The following CPEB3 variants were observed in gnomAD, a reference collection of about 807,000 sequenced individuals.
The protein encoded by CPEB3 is cytoplasmic polyadenylation element-binding protein 3.
In CPEB3, 20 loss-of-function variants were observed where a neutral mutation model predicts 67.2. The ratio of observed to expected loss-of-function variants is 0.30; its 90% CI spans 0.21 to 0.43. The LOEUF is 0.43. CPEB3 is among the 20% of genes least tolerant of loss of function. CPEB3 has a pLI of 1.00. For missense variants in CPEB3, 746 were observed against 968.6 expected (o/e 0.77, Z 3.05); for synonymous variants, 376 against 393.1 (o/e 0.96, Z 0.51).
chr10:92,182,981 T>C (rs1233578828), intron 3 of CPEB3, among the ~76,000 whole-genome samples: 1 of 152,184 alleles, frequency 6.6e-6, no homozygotes, highest in Non-Finnish European at 1.5e-5. Flanking sequence ...GATAAAACTG[T>C]TCTAACTTTA....
intron 9 of CPEB3, among the ~76,000 whole-genome samples, chr10:92,079,772 C>T (rs1328096494): frequency 1.3e-5 from 2 of 152,142 alleles, no homozygotes; most frequent in African/African-American, 4.8e-5. Context: ...TCAAAGTTGA[C>T]TGTAGAGGAT....
chr10:92,084,209 A>C (rs909305979), intron 8 of CPEB3, among the ~76,000 whole-genome samples: 13 of 151,720 alleles, frequency 8.6e-5, no homozygotes, highest in African/African-American at 3.1e-4. Flanking sequence ...CTGATGCCAG[A>C]GAAGCACAAA....
At chr10:92,245,109 C>T (rs942908949) in intron 1 of CPEB3, among the ~76,000 whole-genome samples, 1 of 145,076 alleles carries the variant, frequency 6.9e-6, no homozygotes, top group African/African-American at 2.5e-5. Flanking sequence ...TTTCTTAAAA[C>T]AAACAAAAAC....
At chr10:92,053,368 T>A (rs969299522) in intron 9 of CPEB3, among the ~76,000 whole-genome samples, 5 of 149,694 alleles carry the variant, frequency 3.3e-5, no homozygotes, top group Non-Finnish European at 5.9e-5. Context: ...TTTTTTTTTT[T>A]AATTATTATT....
chr10:92,050,822 G>A lies in CPEB3; in HGVS notation c.*1390C>T, dbSNP rs1225824552. The A allele has an allele frequency of 6.6e-6, 1 of 152,626 alleles. No individual in the cohort carries two copies. The highest frequency in any genetic ancestry group is 2.4e-5 in the African/African-American group (1 of 41,440). 9.5% of individuals were successfully genotyped at this position (152,626 alleles called of 1,614,324 possible). ...TATCCTGTATATATTCTTAGTGTTT[G>A]TAAGCTAAGATGAGCTCTTTGGTTT... On this transcript the variant is annotated 3_prime_UTR_variant, in exon 10 of 10. Coordinates refer to ENST00000265997, the MANE Select transcript of CPEB3 (RefSeq NM_014912.5).
In CPEB3 at chr10:92,065,266, G is replaced by A. The variant is rs945841522; in HGVS notation, c.1870-12827C>T. Among the ~76,000 whole-genome samples the A allele has an allele frequency of 7.9e-5, 12 of 152,296 alleles. No homozygotes were observed. In the South Asian group the frequency reaches 2.1e-3, roughly 26 times the overall value. On this transcript the variant is annotated intron_variant, in intron 9 of 9. Transcript: ENST00000265997. ...CAGGGTCACTCGCTCTGTCACCCAG[G>A]TTGGAGTGCAGTGGCATGATCTTGG...
intron 2 of CPEB3, among the ~76,000 whole-genome samples, chr10:92,209,520 T>G (rs1309822443): frequency 6.6e-6 from 1 of 151,440 alleles, no homozygotes; most frequent in Non-Finnish European, 1.5e-5. Context: ...AGACAGAAAC[T>G]CTGTGTCAAA....
At chr10:92,252,142 T>G (rs1185216586) in intron 1 of CPEB3, among the ~76,000 whole-genome samples, 1 of 150,950 alleles carries the variant, frequency 6.6e-6, no homozygotes, top group Non-Finnish European at 1.5e-5. Context: ...AGGCAAAAGA[T>G]TTCACCGAAA....
At chr10:92,141,440 A>G (rs1173639310) in intron 6 of CPEB3, among the ~76,000 whole-genome samples, 2 of 142,882 alleles carry the variant, frequency 1.4e-5, no homozygotes, top group Non-Finnish European at 3.1e-5. Context: ...ATGAGAACAC[A>G]TGGACACAGG....
chr10:92,097,472 T>C (rs959416317), intron 7 of CPEB3, among the ~76,000 whole-genome samples: 13 of 152,238 alleles, frequency 8.5e-5, no homozygotes, highest in Admixed American at 7.2e-4. Flanking sequence ...GAAGCTCTCC[T>C]GAGGACTACT....
intron 6 of CPEB3, among the ~76,000 whole-genome samples, chr10:92,132,961 G>A (rs1845913421): frequency 6.6e-6 from 1 of 152,180 alleles, no homozygotes; most frequent in Non-Finnish European, 1.5e-5. Context: ...GACGTTCTTT[G>A]AAACCAATGA....
At chr10:92,226,894 G>T (rs567471395) in intron 2 of CPEB3, among the ~76,000 whole-genome samples, 1 of 151,894 alleles carries the variant, frequency 6.6e-6, no homozygotes, top group Non-Finnish European at 1.5e-5. Flanking sequence ...GAACAGGGAG[G>T]GGGGAGCGAA....
chr10:92,068,609 A>C (rs1842642618), intron 9 of CPEB3, among the ~76,000 whole-genome samples: 1 of 152,178 alleles, frequency 6.6e-6, no homozygotes, highest in Non-Finnish European at 1.5e-5. Context: ...CTCATAAACA[A>C]CCTCTACACT....
At chr10:92,288,000 T>C (rs1842613825) in intron 1 of CPEB3, among the ~76,000 whole-genome samples, 1 of 152,204 alleles carries the variant, frequency 6.6e-6, no homozygotes, top group Non-Finnish European at 1.5e-5. Context: ...TGTGACTGGC[T>C]CCTCTCACTT....
intron 9 of CPEB3, among the ~76,000 whole-genome samples, chr10:92,063,192 G>A (rs1392834234): frequency 5.3e-5 from 8 of 152,142 alleles, no homozygotes; most frequent in Non-Finnish European, 7.3e-5. Flanking sequence ...AAATATTTCC[G>A]TCTGCAGTCA....
chr10:92,183,839 T>C (rs1564844582), intron 3 of CPEB3, among the ~76,000 whole-genome samples: 1 of 152,190 alleles, frequency 6.6e-6, no homozygotes. Context: ...CAAACCCAAA[T>C]TTAGCTGATC....
At chr10:92,140,263 G>C (rs1405123572) in intron 6 of CPEB3, among the ~76,000 whole-genome samples, 1 of 152,076 alleles carries the variant, frequency 6.6e-6, no homozygotes, top group African/African-American at 2.4e-5. Flanking sequence ...AAAACAGCAT[G>C]GTACTGGGAC....
At position 92,192,514 on chromosome 10, in the gene CPEB3, C is replaced by T. The variant is rs1374946150; in HGVS notation, c.1128G>A (p.Met376Ile). The T allele has an allele frequency of 6.2e-7, 1 of 1,614,028 alleles. No homozygotes were observed. Among genetic ancestry groups the T allele is most frequent in the Non-Finnish European group, 8.5e-7 (1 of 1,179,944 alleles). ...TCCTCCACATTATATCAGCGAAACT[C>T]ATTGGTGGGCCACTGGGAGGGTAGT... ...GKHYPPSGPP[M>I]SFADIMWRNH... Residue 376 changes from methionine to isoleucine, a missense_variant, in exon 3 of 10, where the codon ATG (methionine) becomes ATA (isoleucine). This residue lies in a region of CPEB3 where 643 missense variants were observed against 717.5 expected (regional missense o/e 0.90). Transcript: ENST00000265997.
rs181693393 is a variant in CPEB3 at position 92,278,063 on chromosome 10, G to A, written c.-12+12863C>T. 5.6e-3 allele frequency among the ~76,000 whole-genome samples: 852 copies of A among 151,362 alleles called. 6 individuals are homozygous for A. Among genetic ancestry groups the A allele is most frequent in the African/African-American group, 0.02 (805 of 41,202 alleles). ...TAGCTGGGCATGGTGGCGGGTGCCTGTAATCCCAGTTACTCCGGAAGCTGA... is the reference window on the plus strand; with the variant it reads ...TAGCTGGGCATGGTGGCGGGTGCCTATAATCCCAGTTACTCCGGAAGCTGA... On this transcript the variant is annotated intron_variant, in intron 1 of 9. Coordinates refer to ENST00000265997, the MANE Select transcript of CPEB3 (RefSeq NM_014912.5).
Sources: allele counts gnomAD v4.1 joint callset (sites outside exome capture counted in the v4.1 genomes callset), GRCh38; gene constraint gnomAD v4.1.1; regional missense constraint gnomAD v4.1.1; transcripts MANE v1.5; gene names NCBI Gene and HGNC (gene_info 2026-07-23, HGNC 2026-07-21).